TET3: variants seen among roughly 807,000 people sequenced by gnomAD.
The protein encoded by TET3 is methylcytosine dioxygenase TET3.
In TET3, 19 loss-of-function variants were observed where a neutral mutation model predicts 141.4. The observed-to-expected ratio is 0.13, with a 90% CI of 0.09 to 0.20. TET3 has a LOEUF of 0.20. Among genes scored for constraint, TET3 ranks in the 10% least tolerant of loss-of-function variants. The pLI, the probability that TET3 is intolerant of heterozygous loss-of-function variation, is 1.00. For synonymous variants in TET3, 1,043 were observed against 980.9 expected, an observed-to-expected ratio of 1.06 and a Z score of -1.18; for missense variants, 1,874 against 2,356.9, an observed-to-expected ratio of 0.80 and a Z score of 4.24.
chr2:73,995,892 C>G lies in TET3; in HGVS notation c.304-7218C>G, dbSNP rs192884101. Among the ~76,000 whole-genome samples, 4 of 152,300 alleles carry G rather than the reference C, an allele frequency of 2.6e-5. No individual in the cohort carries two copies. In the East Asian group the frequency reaches 5.8e-4, roughly 22 times the overall value. On this transcript the variant is annotated intron_variant, in intron 2 of 11. Coordinates refer to ENST00000409262, the MANE Select transcript of TET3 (RefSeq NM_001287491.2). The stretch of plus-strand genomic sequence containing the variant: ...GGACAGAACTTTCCTGGATTCTAAC[C>G]CACTGCCCAGTCCACTGCTTCTCCT...
At chr2:74,044,060 C>T (rs1471549160) in intron 3 of TET3, among the ~76,000 whole-genome samples, 1 of 152,116 alleles carries the variant, frequency 6.6e-6, no homozygotes, top group Non-Finnish European at 1.5e-5. Context: ...GTCCTAGCTA[C>T]TTGATAGGCT....
At chr2:74,005,237 C>G (rs1685092769) in intron 3 of TET3, among the ~76,000 whole-genome samples, 1 of 152,220 alleles carries the variant, frequency 6.6e-6, no homozygotes, top group Non-Finnish European at 1.5e-5. Context: ...GTGTTGTGGA[C>G]ATGTGGCAGG....
intron 6 of TET3, among the ~76,000 whole-genome samples, chr2:74,084,987 G>A (rs1360177281): frequency 6.6e-6 from 1 of 152,102 alleles, no homozygotes; most frequent in Non-Finnish European, 1.5e-5. Flanking sequence ...CAGGAGGGGA[G>A]AATGGAGAGT....
At chr2:74,038,484 G>A (rs1687182796) in intron 3 of TET3, among the ~76,000 whole-genome samples, 1 of 152,148 alleles carries the variant, frequency 6.6e-6, no homozygotes, top group South Asian at 2.1e-4. Context: ...CAGGGAAAAG[G>A]GGTTTGCACC....
intron 4 of TET3, among the ~76,000 whole-genome samples, chr2:74,062,737 A>G: frequency 6.6e-6 from 1 of 152,226 alleles, no homozygotes; most frequent in East Asian, 1.9e-4. Context: ...ATGTTATAAC[A>G]ATGAATGTAA....
At chr2:74,042,396 T>C (rs1687384249) in intron 3 of TET3, among the ~76,000 whole-genome samples, 1 of 152,234 alleles carries the variant, frequency 6.6e-6, no homozygotes, top group Non-Finnish European at 1.5e-5. Context: ...TTATATCCTA[T>C]GTAAGGAGTA....
At chr2:74,000,749 T>TG (rs1347569542) in intron 2 of TET3, among the ~76,000 whole-genome samples, 3 of 152,150 alleles carry the variant, frequency 2.0e-5, no homozygotes, top group Non-Finnish European at 4.4e-5. Flanking sequence ...ACTCACCAGC[T>TG]GTGTTGACAG....
chr2:74,117,890 C>A, the TET3 span, among the ~76,000 whole-genome samples: 1 of 152,138 alleles, frequency 6.6e-6, no homozygotes, highest in East Asian at 1.9e-4. Context: ...GGATTACAGG[C>A]ACCCACCACC....
At chr2:74,071,881 T>C (rs1689225821) in intron 4 of TET3, among the ~76,000 whole-genome samples, 1 of 152,234 alleles carries the variant, frequency 6.6e-6, no homozygotes, top group South Asian at 2.1e-4. Context: ...GAAAAACTCA[T>C]TTAAAATTCA....
intron 3 of TET3, among the ~76,000 whole-genome samples, chr2:74,003,496 T>C (rs934628814): frequency 3.0e-5 from 4 of 131,724 alleles, no homozygotes; most frequent in African/African-American, 1.1e-4. Context: ...CTCTCGAGAA[T>C]GTCCCTGGCA....
chr2:74,047,941 G>A lies in TET3; in HGVS notation c.2024G>A (p.Ser675Asn), dbSNP rs1687735399. The part of the protein sequence containing the change: ...ALFAPSPSRD[S>N]LLPPTQEMRS... The stretch of plus-strand genomic sequence containing the variant: ...TTTGCACCTAGTCCCTCCAGGGACA[G>A]CCTGCTGCCCCCTACTCAGGAAATG... Residue 675 changes from serine to asparagine, a missense_variant, in exon 4 of 12, where the codon AGC (serine) becomes AAC (asparagine). Physicochemically the swap from Ser to Asn is conservative, Grantham distance 46 (BLOSUM62 1). Coordinates refer to ENST00000409262, the MANE Select transcript of TET3 (RefSeq NM_001287491.2). The A allele has an allele frequency of 6.2e-7, 1 of 1,613,622 alleles. No individual in the cohort carries two copies. Among genetic ancestry groups the A allele is most frequent in the Non-Finnish European group, 8.5e-7 (1 of 1,179,762 alleles).
At chr2:74,011,027 G>T (rs1370363305) in intron 3 of TET3, among the ~76,000 whole-genome samples, 1 of 152,024 alleles carries the variant, frequency 6.6e-6, no homozygotes, top group African/African-American at 2.4e-5. Flanking sequence ...CATGAGGTCA[G>T]GAGTTGAAAA....
At chr2:73,993,139 A>G (rs932115158) in intron 2 of TET3, 49 of 152,206 alleles carry the variant, frequency 3.2e-4, no homozygotes, top group African/African-American at 9.7e-4. Context: ...TAATTGATCC[A>G]GGGTGGACCA....
Position 74,060,500 on chromosome 2 carries a change from C to T in TET3, c.2494+12089C>T, listed in dbSNP as rs139570482. Among the ~76,000 whole-genome samples the T allele has an allele frequency of 3.2e-3, 485 of 152,110 alleles. 1 individual carries two copies. The highest frequency in any genetic ancestry group is 0.011 in the African/African-American group (470 of 41,486). On this transcript the variant is annotated intron_variant, in intron 4 of 11. Coordinates refer to ENST00000409262, the MANE Select transcript of TET3 (RefSeq NM_001287491.2). ...TTAAGTCACCATCCATATGTAAAGTCTTCATAAAAACATTTTTTTTTAAAT... is the reference window on the plus strand; with the variant it reads ...TTAAGTCACCATCCATATGTAAAGTTTTCATAAAAACATTTTTTTTTAAAT...
At chr2:74,043,957 A>AGAG (rs1348575089) in intron 3 of TET3, among the ~76,000 whole-genome samples, 1 of 152,186 alleles carries the variant, frequency 6.6e-6, no homozygotes, top group African/African-American at 2.4e-5. Context: ...GCCAGAAGTT[A>AGAG]GAGATCAGCC....
At chr2:74,079,187 A>C (rs1689671349) in intron 5 of TET3, among the ~76,000 whole-genome samples, 1 of 152,070 alleles carries the variant, frequency 6.6e-6, no homozygotes, top group African/African-American at 2.4e-5. Context: ...TCCTTACTAA[A>C]AATACAAAAA....
At chr2:74,053,087 A>G (rs1216849344) in intron 4 of TET3, among the ~76,000 whole-genome samples, 1 of 152,218 alleles carries the variant, frequency 6.6e-6, no homozygotes, top group African/African-American at 2.4e-5. Context: ...TAAAGCTTCA[A>G]AGAAGTAAAC....
chr2:74,081,718 TACA>T (rs773648118), intron 6 of TET3, among the ~76,000 whole-genome samples: 4 of 152,228 alleles, frequency 2.6e-5, no homozygotes, highest in Non-Finnish European at 4.4e-5. Flanking sequence ...TGACATATGC[TACA>T]ACATGTGTAG....
chr2:74,046,666 G>A lies in TET3; in HGVS notation c.749G>A (p.Ser250Asn). The change falls in exon 4 of 12, where the codon AGC becomes AAC. Residue 250 changes from serine (S) to asparagine (N), a missense_variant. Coordinates refer to ENST00000409262, the MANE Select transcript of TET3 (RefSeq NM_001287491.2). This position sits in a 1 kb window ranked among gnomAD's most constrained non-coding sequence, Gnocchi z 4.3. Reference protein sequence around the residue: ...RPGPEGCSAGSEDLDTLQTAL... With the variant: ...RPGPEGCSAGNEDLDTLQTAL... ...GGGCCTGAGGGCTGCTCTGCTGGCAGCGAAGACCTTGACACACTGCAGACG... is the reference window on the plus strand; with the variant it reads ...GGGCCTGAGGGCTGCTCTGCTGGCAACGAAGACCTTGACACACTGCAGACG... 6.2e-7 allele frequency: 1 copy of A among 1,614,050 alleles called. No homozygotes were observed.
Sources: gnomAD v4.1 joint callset for allele counts (sites outside exome capture counted in the v4.1 genomes callset) on GRCh38, gnomAD v4.1.1 for gene constraint, Gnocchi (gnomAD v3.1) non-coding constraint, MANE v1.5 for transcripts, NCBI Gene and HGNC (gene_info 2026-07-23, HGNC 2026-07-21) for gene names.